Variants in VPS13B observed in about 807,000 individuals in gnomAD.
The protein encoded by VPS13B is intermembrane lipid transfer protein VPS13B.
In VPS13B, 285 loss-of-function variants were observed where a neutral mutation model predicts 426.4. That is an observed-to-expected ratio of 0.67 (90% confidence interval 0.61 to 0.74). The LOEUF (loss-of-function observed/expected upper bound fraction) is 0.74. Ranked by LOEUF, VPS13B falls within the 30% of genes least tolerant of loss-of-function variation. The pLI is 0.00. For synonymous variants in VPS13B, 1,676 were observed against 1,676.4 expected (o/e 1.00, Z 0.01); for missense variants, 4,537 against 4,782.6 (o/e 0.95, Z 1.51).
At chr8:99,544,062 C>G (rs1375508310) in intron 30 of VPS13B, among the ~76,000 whole-genome samples, 17 of 146,862 alleles carry the variant, frequency 1.2e-4, no homozygotes, top group Middle Eastern at 3.4e-3. Flanking sequence ...TGGAACCAAC[C>G]CAAATGTCCA....
At position 99,121,336 on chromosome 8, in the gene VPS13B, T is replaced by C. The variant is rs543010361; in HGVS notation, c.1097T>C (p.Phe366Ser). 4 of 1,614,140 alleles carry C rather than the reference T, an allele frequency of 2.5e-6. No homozygotes were observed. The East Asian group carries it at 6.7e-5, about 27-fold the overall frequency. Residue 366 changes from phenylalanine (F) to serine (S), a missense_variant, in exon 8 of 62, where the codon TTT (phenylalanine) becomes TCT (serine). Transcript: ENST00000357162. Reference protein sequence around the residue: ...IVSYDDGEEDFVGNDPASTMH... With the variant: ...IVSYDDGEEDSVGNDPASTMH... ...AGTTATGACGATGGCGAGGAAGACT[T>C]TGTTGGGAACGATCCTGCATCAACC...
intron 21 of VPS13B, among the ~76,000 whole-genome samples, chr8:99,393,904 T>C (rs1814590421): frequency 6.6e-6 from 1 of 152,132 alleles, no homozygotes; most frequent in African/African-American, 2.4e-5. Flanking sequence ...AATAAAAATA[T>C]ATTTTATGAT....
chr8:99,829,302 A>G (rs1301806789), intron 51 of VPS13B, among the ~76,000 whole-genome samples: 1 of 151,882 alleles, frequency 6.6e-6, no homozygotes, highest in Non-Finnish European at 1.5e-5. Flanking sequence ...GTTCCTTTTC[A>G]TTCTTTTTTC....
intron 3 of VPS13B, among the ~76,000 whole-genome samples, chr8:99,058,539 T>G (rs1169068680): frequency 1.3e-5 from 2 of 152,092 alleles, no homozygotes; most frequent in Admixed American, 6.5e-5. Context: ...TTAAAATATA[T>G]CAGGATTGCT....
intron 31 of VPS13B, among the ~76,000 whole-genome samples, chr8:99,560,091 C>T (rs909539930): frequency 3.9e-5 from 6 of 151,936 alleles, no homozygotes; most frequent in African/African-American, 9.7e-5. Context: ...ATTGAGCAGT[C>T]GTCTGTAGTT....
intron 3 of VPS13B, among the ~76,000 whole-genome samples, chr8:99,088,315 A>C (rs1414416698): frequency 6.6e-6 from 1 of 152,118 alleles, no homozygotes; most frequent in Non-Finnish European, 1.5e-5. Context: ...ACTCATGGTC[A>C]GGCATCTGTT....
chr8:99,717,885 C>T (rs566270860), intron 37 of VPS13B, among the ~76,000 whole-genome samples: 4 of 152,300 alleles, frequency 2.6e-5, no homozygotes, highest in Admixed American at 1.3e-4. Flanking sequence ...AAATGACATT[C>T]CATCATATGG....
intron 25 of VPS13B, among the ~76,000 whole-genome samples, chr8:99,490,979 CT>C (rs1820576841): frequency 1.3e-5 from 2 of 152,196 alleles, no homozygotes; most frequent in Non-Finnish European, 2.9e-5. Context: ...TTCTCTAGTT[CT>C]TTTCATTTTG....
chr8:99,135,682 A>G lies in VPS13B; in HGVS notation c.1512A>G (p.Pro504=). The G allele has an allele frequency of 6.2e-7, 1 of 1,613,502 alleles. No homozygotes were observed. The highest frequency in any genetic ancestry group is 8.5e-7 in the Non-Finnish European group (1 of 1,179,534). The change falls in exon 11 of 62, where the codon CCA becomes CCG. Residue 504 remains proline (P), a synonymous_variant. Transcript: ENST00000357162. The part of the protein sequence containing the change: ...LTNSLFDYRS[P]ENNGTRAEFI... ...ATTCATTGTTTGATTACCGAAGCCC[A>G]GAAAATAATGGTACTCGCGCAGAAT...
intron 33 of VPS13B, among the ~76,000 whole-genome samples, chr8:99,611,648 A>G (rs1382975998): frequency 1.3e-5 from 2 of 151,896 alleles, no homozygotes; most frequent in East Asian, 3.9e-4. Flanking sequence ...CTAAAACAGC[A>G]TTTTTACACT....
At chr8:99,508,561 T>G (rs921380822) in intron 28 of VPS13B, among the ~76,000 whole-genome samples, 1 of 152,180 alleles carries the variant, frequency 6.6e-6, no homozygotes, top group Non-Finnish European at 1.5e-5. Context: ...TTACTAGCAA[T>G]AGTCTTTAAT....
chr8:99,153,610 T>G (rs934596940), intron 14 of VPS13B, among the ~76,000 whole-genome samples: 1 of 152,188 alleles, frequency 6.6e-6, no homozygotes, highest in African/African-American at 2.4e-5. Flanking sequence ...CCATCCTGCT[T>G]CTTGTATCAT....
At chr8:99,350,380 AT>A (rs1424697175) in intron 19 of VPS13B, among the ~76,000 whole-genome samples, 1 of 152,200 alleles carries the variant, frequency 6.6e-6, no homozygotes, top group African/African-American at 2.4e-5. Context: ...TGCGAAGATC[AT>A]TTTGGTTGCA....
chr8:99,556,543 T>C lies in VPS13B; in HGVS notation c.4839T>C (p.Thr1613=). ...QIDLQSINIG[T]AQWHQLKPEK... is the part of the protein sequence containing the mutation. ...ATCTGCAGTCCATCAATATTGGTACTGCACAGTGGCATCAACTAAAACCAG... is the reference window on the plus strand; with the variant it reads ...ATCTGCAGTCCATCAATATTGGTACCGCACAGTGGCATCAACTAAAACCAG... The change falls in exon 31 of 62, where the codon ACT becomes ACC. Residue 1613 remains threonine, a synonymous_variant. Coordinates refer to ENST00000357162, the MANE Select transcript of VPS13B (RefSeq NM_152564.5). The C allele has an allele frequency of 6.2e-7, 1 of 1,613,358 alleles. No homozygotes were observed. Among genetic ancestry groups the C allele is most frequent in the East Asian group, 2.2e-5 (1 of 44,830 alleles).
At chr8:99,776,749 C>T in intron 40 of VPS13B, 26 bp from the exon 41 acceptor site, 1 of 1,613,664 alleles carries the variant, frequency 6.2e-7, no homozygotes, top group South Asian at 1.1e-5. Context: ...GGTTATTGAA[C>T]TTCTTTTATC....
At chr8:99,458,802 G>A (rs1818667956) in intron 23 of VPS13B, among the ~76,000 whole-genome samples, 1 of 152,134 alleles carries the variant, frequency 6.6e-6, no homozygotes, top group Non-Finnish European at 1.5e-5. Flanking sequence ...TGAGTTCATT[G>A]TAGATTCTGG....
intron 21 of VPS13B, among the ~76,000 whole-genome samples, chr8:99,409,763 A>G (rs1038600219): frequency 6.6e-6 from 1 of 152,200 alleles, no homozygotes; most frequent in African/African-American, 2.4e-5. Flanking sequence ...TGGCGTCATA[A>G]TAGATTCAAC....
chr8:99,230,292 T>C (rs1288411740), intron 17 of VPS13B, among the ~76,000 whole-genome samples: 1 of 152,210 alleles, frequency 6.6e-6, no homozygotes, highest in African/African-American at 2.4e-5. Context: ...TTTAGTCCCT[T>C]ACTCGATCCA....
At chr8:99,834,889 C>T (rs1467334299) in intron 52 of VPS13B, among the ~76,000 whole-genome samples, 1 of 152,146 alleles carries the variant, frequency 6.6e-6, no homozygotes, top group Non-Finnish European at 1.5e-5. Context: ...GAAGAAAGTA[C>T]CCTGCCTGGC....
Sources: allele counts gnomAD v4.1 joint callset (sites outside exome capture counted in the v4.1 genomes callset), GRCh38; gene constraint gnomAD v4.1.1; transcripts MANE v1.5; gene names NCBI Gene and HGNC (gene_info 2026-07-23, HGNC 2026-07-21).